Variants in PTPRN2 observed in about 807,000 individuals in gnomAD.
PTPRN2 encodes the protein protein tyrosine phosphatase receptor type N2, also known as receptor-type tyrosine-protein phosphatase N2.
A neutral mutation model predicts 118.8 loss-of-function variants in PTPRN2; 74 were observed. That is an observed-to-expected ratio of 0.62 (90% CI 0.52 to 0.76). The LOEUF is 0.76. Ranked by LOEUF, PTPRN2 falls within the 30% of genes least tolerant of loss-of-function variation. The pLI is 0.00. For missense variants in PTPRN2, 1,481 were observed against 1,394.4 expected, an observed-to-expected ratio of 1.06 and a Z score of -0.99; for synonymous variants, 641 against 608.0, an observed-to-expected ratio of 1.05 and a Z score of -0.80.
At chr7:158,234,308 A>G (rs1248050037) in intron 3 of PTPRN2, among the ~76,000 whole-genome samples, 1 of 152,208 alleles carries the variant, frequency 6.6e-6, no homozygotes, top group South Asian at 2.1e-4. Flanking sequence ...AAATGGGCAA[A>G]AGATCTGAAT....
At chr7:157,918,400 C>G (rs1046437205) in intron 11 of PTPRN2, among the ~76,000 whole-genome samples, 5 of 152,126 alleles carry the variant, frequency 3.3e-5, no homozygotes, top group Non-Finnish European at 7.3e-5. Context: ...GGTAAACCAT[C>G]GAAGGAACAG....
chr7:157,832,313 G>A (rs1025706450), intron 12 of PTPRN2, among the ~76,000 whole-genome samples: 2 of 152,194 alleles, frequency 1.3e-5, no homozygotes, highest in Non-Finnish European at 2.9e-5. Context: ...CTGTGGCTGC[G>A]CTCACACATT....
At chr7:157,908,867 AT>A (rs1223586277) in intron 11 of PTPRN2, among the ~76,000 whole-genome samples, 1 of 144,432 alleles carries the variant, frequency 6.9e-6, no homozygotes, top group Non-Finnish European at 1.5e-5. Flanking sequence ...CTTTTGAAGC[AT>A]AGTTTTAGTT....
chr7:157,766,210 T>TCCACCCAC (rs537772261), intron 12 of PTPRN2, among the ~76,000 whole-genome samples: 1 of 146,428 alleles, frequency 6.8e-6, no homozygotes, highest in Non-Finnish European at 1.5e-5. Context: ...CATCCATCCA[T>TCCACCCAC]CCACCCACAC....
intron 1 of PTPRN2, among the ~76,000 whole-genome samples, chr7:158,492,538 T>C (rs1821535296): frequency 6.6e-6 from 1 of 152,218 alleles, no homozygotes; most frequent in Non-Finnish European, 1.5e-5. Flanking sequence ...GTGCCCAACC[T>C]GATTCGTTAC....
At chr7:158,000,134 G>A (rs748745474) in intron 11 of PTPRN2, among the ~76,000 whole-genome samples, 43 of 152,216 alleles carry the variant, frequency 2.8e-4, no homozygotes, top group Admixed American at 9.2e-4. Flanking sequence ...TGATCCACCC[G>A]CCTTGGCCTC....
At chr7:158,262,419 C>G (rs1009353735) in intron 3 of PTPRN2, among the ~76,000 whole-genome samples, 12 of 145,088 alleles carry the variant, frequency 8.3e-5, no homozygotes, top group African/African-American at 2.9e-4. Flanking sequence ...TACATACATT[C>G]ACACACATAC....
rs938887004 is a variant in PTPRN2, at chr7:157,690,563, C to A, written c.1789-7626G>T. 5.9e-5 allele frequency among the ~76,000 whole-genome samples: 9 copies of A among 151,806 alleles called. No individual in the cohort carries two copies. Among genetic ancestry groups the A allele is most frequent in the South Asian group, 2.1e-4 (1 of 4,824 alleles). On this transcript the variant is annotated intron_variant, in intron 12 of 22. Coordinates refer to ENST00000389418, the MANE Select transcript of PTPRN2 (RefSeq NM_002847.5). The surrounding 1 kb of genome is among the most constrained non-coding windows in gnomAD (Gnocchi z 7.1). ...GCACCCCTGGTTACCTGCAGCTGGG[C>A]CGGCGCCCAGCGCCCGCGCGGGAGG...
At chr7:158,259,102 G>A (rs1797222586) in intron 3 of PTPRN2, among the ~76,000 whole-genome samples, 1 of 152,218 alleles carries the variant, frequency 6.6e-6, no homozygotes, top group Non-Finnish European at 1.5e-5. Flanking sequence ...TCTGCTGCCT[G>A]ATGCTGCAAA....
intron 6 of PTPRN2, among the ~76,000 whole-genome samples, chr7:158,149,798 C>T (rs1349307834): frequency 1.6e-5 from 2 of 122,742 alleles, no homozygotes; most frequent in Admixed American, 1.7e-4. Flanking sequence ...AGCAAGAGTC[C>T]ATCTCAAAAA....
At chr7:157,717,022 G>A (rs1038601599) in intron 12 of PTPRN2, among the ~76,000 whole-genome samples, 2 of 130,692 alleles carry the variant, frequency 1.5e-5, no homozygotes, top group East Asian at 4.6e-4. Context: ...AACACTGCCT[G>A]GCCACGTAGA....
chr7:158,478,547 C>T (rs955947411), intron 2 of PTPRN2, among the ~76,000 whole-genome samples: 5 of 152,144 alleles, frequency 3.3e-5, no homozygotes, highest in East Asian at 1.9e-4. Context: ...GTGGGAATAA[C>T]GCCAAAATTA....
chr7:158,112,899 G>T (rs1051202447), intron 9 of PTPRN2, among the ~76,000 whole-genome samples: 4 of 152,116 alleles, frequency 2.6e-5, no homozygotes, highest in Non-Finnish European at 5.9e-5. Flanking sequence ...CATCATGAAT[G>T]CCGAGACCGG....
Position 157,973,560 on chromosome 7 carries a change from A to C in PTPRN2, c.1724-74823T>G, listed in dbSNP as rs545043500. 3.0e-4 allele frequency among the ~76,000 whole-genome samples: 46 copies of C among 152,324 alleles called. No individual in the cohort carries two copies. In the Middle Eastern group the frequency reaches 0.014, roughly 45 times the overall value. ...GCATAGAGCCAAACAAGCTGTCTACATGAGACACAGCCACAGCCGGGTGGG... is the reference window on the plus strand; with the variant it reads ...GCATAGAGCCAAACAAGCTGTCTACCTGAGACACAGCCACAGCCGGGTGGG... On this transcript the variant is annotated intron_variant, in intron 11 of 22. Transcript: ENST00000389418.
At chr7:158,146,950 C>A (rs866691423) in intron 6 of PTPRN2, among the ~76,000 whole-genome samples, 24 of 138,482 alleles carry the variant, frequency 1.7e-4, no homozygotes, top group Non-Finnish European at 3.0e-4. Context: ...GTCTTTCCCC[C>A]TCAATGACAC....
chr7:158,181,732 T>C (rs1417703815), intron 5 of PTPRN2, among the ~76,000 whole-genome samples: 2 of 152,224 alleles, frequency 1.3e-5, no homozygotes, highest in Admixed American at 6.5e-5. Context: ...TTTGTATGCA[T>C]AGAAGTGTTC....
intron 2 of PTPRN2, among the ~76,000 whole-genome samples, chr7:158,434,139 G>A (rs1563288011): frequency 6.6e-6 from 1 of 152,048 alleles, no homozygotes; most frequent in Non-Finnish European, 1.5e-5. Flanking sequence ...CAATATGTAT[G>A]CTGTGTGCAC....
At chr7:158,473,154 G>A (rs888149755) in intron 2 of PTPRN2, among the ~76,000 whole-genome samples, 5 of 152,168 alleles carry the variant, frequency 3.3e-5, no homozygotes, top group African/African-American at 1.2e-4. Context: ...ACTCCTGGTC[G>A]TGGCTGAACC....
rs556154411 is a variant in PTPRN2 at position 158,565,978 on chromosome 7, A to C, written c.112+21580T>G. Among the ~76,000 whole-genome samples, 57 of 152,176 alleles carry C rather than the reference A, an allele frequency of 3.7e-4. No individual in the cohort carries two copies. The highest frequency in any genetic ancestry group is 7.5e-4 in the Non-Finnish European group (51 of 68,042). On this transcript the variant is annotated intron_variant, in intron 1 of 22. Transcript: ENST00000389418. The surrounding 1 kb of genome is among the most constrained non-coding windows in gnomAD (Gnocchi z 4.6). ...GTGTCAGCCATTTCTCTCCCTTTAA[A>C]AATCTCTCCCTGAGATTATGGATAA...
Sources: allele counts gnomAD v4.1 joint callset (sites outside exome capture counted in the v4.1 genomes callset), GRCh38; gene constraint gnomAD v4.1.1; non-coding constraint Gnocchi (gnomAD v3.1); transcripts MANE v1.5; gene names NCBI Gene and HGNC (gene_info 2026-07-23, HGNC 2026-07-21).